Variants in LIMS2 observed in about 807,000 individuals in gnomAD.
The protein encoded by LIMS2 is LIM zinc finger domain containing 2.
A neutral mutation model predicts 45.3 loss-of-function variants in LIMS2; 30 were observed. The ratio of observed to expected loss-of-function variants is 0.66; its 90% confidence interval spans 0.50 to 0.90. The LOEUF (loss-of-function observed/expected upper bound fraction) is 0.90. Among genes scored for constraint, LIMS2 ranks in the 40% least tolerant of loss-of-function variants. The probability of loss-of-function intolerance (pLI) is 0.00; values close to 1 mark genes in which losing one functional copy is unlikely to be tolerated. For missense variants in LIMS2, 485 were observed against 468.7 expected (o/e 1.03, Z -0.32); for synonymous variants, 173 against 188.0 (o/e 0.92, Z 0.65).
At chr2:127,662,783 T>TA (rs1276146422) in intron 1 of LIMS2, among the ~76,000 whole-genome samples, 8 of 151,674 alleles carry the variant, frequency 5.3e-5, no homozygotes, top group Non-Finnish European at 1.0e-4. Context: ...CCCTAAAACT[T>TA]AAAGTCTAAT....
chr2:127,674,684 T>C, intron 1 of LIMS2: 1 of 985,374 alleles, frequency 1.0e-6, no homozygotes, highest in Non-Finnish European at 1.2e-6. Flanking sequence ...CCTTTGAACC[T>C]TTTGCCCGTG....
At position 127,675,450 on chromosome 2, in the gene LIMS2, CCCCAGCTCCAGGGACACGGAG is replaced by C. The variant is rs1685471937; in HGVS notation, c.-447_-427del. On this transcript the variant is annotated 5_prime_UTR_variant, in exon 1 of 10. Coordinates refer to ENST00000355119, the MANE Select transcript of LIMS2 (RefSeq NM_001161403.3). Reference sequence around the variant, plus strand: ...GAGGGTGGGCCCCGCTCCCGCACAGCCCCAGCTCCAGGGACACGGAGCGCGGCCAGCGGCGGGCGCGGGTCA... The same window carrying C: ...GAGGGTGGGCCCCGCTCCCGCACAGCCGCGGCCAGCGGCGGGCGCGGGTCA... Among the ~76,000 whole-genome samples the C allele has an allele frequency of 6.6e-6, 1 of 151,996 alleles. No homozygotes were observed. The highest frequency in any genetic ancestry group is 2.1e-4 in the South Asian group (1 of 4,832).
At chr2:127,649,923 T>C in intron 4 of LIMS2, 1 of 1,077,602 alleles carries the variant, frequency 9.3e-7, no homozygotes, top group East Asian at 2.6e-5. Context: ...CCCCTGGTGG[T>C]GGATCTACTC....
upstream of LIMS2, among the ~76,000 whole-genome samples, chr2:127,678,572 G>T (rs1041186248): frequency 6.6e-6 from 1 of 152,192 alleles, no homozygotes; most frequent in African/African-American, 2.4e-5. This position sits in a 1 kb window ranked among gnomAD's most constrained non-coding sequence, Gnocchi z 5.3. Flanking sequence ...CATTGAGAAG[G>T]CATCAAACAC....
At position 127,649,084 on chromosome 2, in the gene LIMS2, A is replaced by AAAAAAAG. The variant is rs1447586018; in HGVS notation, c.359+5333_359+5339dup. Among the ~76,000 whole-genome samples the AAAAAAAG allele has an allele frequency of 6.9e-3, 971 of 141,486 alleles. 9 individuals carry two copies. Among genetic ancestry groups the AAAAAAAG allele is most frequent in the Non-Finnish European group, 0.011 (667 of 62,778 alleles). The allele number at this position is 141,486 out of a possible 152,430, so 92.8% of individuals were successfully genotyped here. A position where few individuals can be genotyped will look rare whatever the true frequency, so the allele number is the denominator to read the frequency against. ...GGAAGGAAGGAAGGAAAAAGAAAAG[A>AAAAAAAG]AAAAAAGAAAAAAGAAAAGAAAAAA... is the stretch of plus-strand genomic sequence containing the variant. On this transcript the variant is annotated intron_variant, in intron 4 of 9. Coordinates refer to ENST00000355119, the MANE Select transcript of LIMS2 (RefSeq NM_001161403.3).
chr2:127,650,647 T>C (rs1254455529), intron 4 of LIMS2: 8 of 1,124,072 alleles, frequency 7.1e-6, no homozygotes, highest in African/African-American at 1.5e-5. Flanking sequence ...GCCTGACTTC[T>C]GGACTTCAGA....
chr2:127,651,160 T>C, intron 4 of LIMS2: 1 of 1,612,760 alleles, frequency 6.2e-7, no homozygotes, highest in Non-Finnish European at 8.5e-7. Flanking sequence ...TCCCTCAAGC[T>C]CCGCAGGCCC....
Position 127,642,977 on chromosome 2 carries a change from AG to A in LIMS2, c.454del (p.Leu152SerfsTer22). 1.3e-6 allele frequency: 2 copies of A among 1,573,120 alleles called. No homozygotes were observed. Among genetic ancestry groups the A allele is most frequent in the Non-Finnish European group, 1.7e-6 (2 of 1,159,280 alleles). On this transcript the variant is annotated frameshift_variant, in exon 5 of 10. Coordinates refer to ENST00000355119, the MANE Select transcript of LIMS2 (RefSeq NM_001161403.3). LOFTEE classifies it high-confidence loss of function. This position sits in a 1 kb window ranked among gnomAD's most constrained non-coding sequence, Gnocchi z 5.3. ...GTGGTAGGCGTCGCTCCTGAACATG[AG>A]GGGCTGCTCGTCGATGACCAGGTGG... ...RCHLVIDEQP[L>X]MFRSDAYHPD...
At chr2:127,643,268 G>A (rs554899620) in intron 4 of LIMS2, 196 bp from the exon 5 acceptor site, 8 of 611,556 alleles carry the variant, frequency 1.3e-5, no homozygotes, top group Middle Eastern at 4.4e-4. Flanking sequence ...GGAATGGGAC[G>A]CATGCTCAGC....
upstream of LIMS2, among the ~76,000 whole-genome samples, chr2:127,677,850 C>G (rs2105352959): frequency 6.6e-6 from 1 of 152,238 alleles, no homozygotes; most frequent in Admixed American, 6.5e-5. This position sits in a 1 kb window ranked among gnomAD's most constrained non-coding sequence, Gnocchi z 5.0. Context: ...CTGCCTCAGG[C>G]TGGTCTATTA....
chr2:127,657,049 A>G, intron 2 of LIMS2, among the ~76,000 whole-genome samples: 1 of 151,778 alleles, frequency 6.6e-6, no homozygotes, highest in East Asian at 1.9e-4. Flanking sequence ...GGGAACCCTG[A>G]CCCCCAGGGC....
rs1682501833 is a variant in LIMS2, at chr2:127,642,253, T to G, written c.510-54A>C. ...CCACCCCTGCCCTTCTGCAGGGTCA[T>G]GCCAGCAGCGCCTCCACCCCAGGGC... is the stretch of plus-strand genomic sequence containing the variant. On this transcript the variant is annotated intron_variant, in intron 5 of 9. Transcript: ENST00000355119. The surrounding 1 kb of genome is among the most constrained non-coding windows in gnomAD (Gnocchi z 5.3). 7.0e-7 allele frequency: 1 copy of G among 1,435,824 alleles called. No homozygotes were observed. The highest frequency in any genetic ancestry group is 1.4e-5 in the African/African-American group (1 of 69,686). The allele number at this position is 1,435,824 out of a possible 1,614,324, so 88.9% of individuals were successfully genotyped here. A position where few individuals can be genotyped will look rare whatever the true frequency, so the allele number is the denominator to read the frequency against.
Position 127,640,072 on chromosome 2 carries a change from C to T in LIMS2, c.876G>A (p.Leu292=), listed in dbSNP as rs765237427. The T allele has an allele frequency of 6.2e-7, 1 of 1,613,446 alleles. No homozygotes were observed. Among genetic ancestry groups the T allele is most frequent in the Non-Finnish European group, 8.5e-7 (1 of 1,179,976 alleles). ...SCSTCNSKLT[L]KNKFVEFDMK... ...ATCCCACGATCACAGGGACTCACTT[C>T]AGGGTGAGCTTGCTGTTGCAGGTGG... Residue 292 remains leucine (L), a splice_region_variant and synonymous_variant, in exon 9 of 10, where the codon CTG becomes CTA. Transcript: ENST00000355119.
intron 4 of LIMS2, chr2:127,650,987 G>C: frequency 6.2e-7 from 1 of 1,613,786 alleles, no homozygotes; most frequent in Non-Finnish European, 8.5e-7. Flanking sequence ...TGCTGGTCCT[G>C]CCCACCCGCC....
In LIMS2 at chr2:127,667,742, A is replaced by G. The variant is rs1685079396; in HGVS notation, c.11+7272T>C. Among the ~76,000 whole-genome samples, 1 of 152,252 alleles carries G rather than the reference A, an allele frequency of 6.6e-6. No homozygotes were observed. Among genetic ancestry groups the G allele is most frequent in the African/African-American group, 2.4e-5 (1 of 41,468 alleles). The stretch of plus-strand genomic sequence containing the variant: ...AAAACCCATAGCTAACATCATACTT[A>G]GTGATGAGAAAATGAATGCTTTCCT... On this transcript the variant is annotated intron_variant, in intron 1 of 9. Coordinates refer to ENST00000355119, the MANE Select transcript of LIMS2 (RefSeq NM_001161403.3). The surrounding 1 kb of genome is among the most constrained non-coding windows in gnomAD (Gnocchi z 4.1).
intron 4 of LIMS2, chr2:127,651,691 G>C: frequency 6.2e-7 from 1 of 1,613,234 alleles, no homozygotes; most frequent in South Asian, 1.1e-5. Flanking sequence ...AGGCTCAAGG[G>C]CCCGCCCCCC....
rs761150954 is a variant in LIMS2 at position 127,650,830 on chromosome 2, T to C, written c.359+3594A>G. Reference sequence around the variant, plus strand: ...GGCCAGGAGACGCCACTGGAGAACATGCTGTTCGCCTCCTTCTACCTTCTG... The same window carrying C: ...GGCCAGGAGACGCCACTGGAGAACACGCTGTTCGCCTCCTTCTACCTTCTG... On this transcript the variant is annotated intron_variant, in intron 4 of 9. Coordinates refer to ENST00000355119, the MANE Select transcript of LIMS2 (RefSeq NM_001161403.3). 3.7e-6 allele frequency: 6 copies of C among 1,613,960 alleles called. No homozygotes were observed. In the Admixed American group the frequency reaches 6.7e-5, roughly 18 times the overall value.
upstream of LIMS2, among the ~76,000 whole-genome samples, chr2:127,676,955 T>C (rs969348689): frequency 5.9e-5 from 9 of 152,222 alleles, no homozygotes; most frequent in African/African-American, 2.2e-4. Flanking sequence ...TCCTGCCTTT[T>C]AGCCCAAAAG....
rs781495883 is a variant in LIMS2, at chr2:127,640,130, T to C, written c.818A>G (p.Asn273Ser). 1.9e-6 allele frequency: 3 copies of C among 1,613,416 alleles called. No homozygotes were observed. The highest frequency in any genetic ancestry group is 2.5e-6 in the Non-Finnish European group (3 of 1,179,998). The stretch of plus-strand genomic sequence containing the variant: ...GAAGCAGCTCACACACCAGGCCTTG[T>C]TGAGGGCCGACACCACTGTGAGGGA... ...VIEGDVVSAL[N>S]KAWCVSCFSC... is the part of the protein sequence containing the mutation. The change falls in exon 9 of 10, where the codon AAC becomes AGC. Residue 273 changes from asparagine to serine, a missense_variant. Physicochemically the swap from Asn to Ser is conservative, Grantham distance 46. Coordinates refer to ENST00000355119, the MANE Select transcript of LIMS2 (RefSeq NM_001161403.3).
Sources: allele counts gnomAD v4.1 joint callset (sites outside exome capture counted in the v4.1 genomes callset), GRCh38; gene constraint gnomAD v4.1.1; non-coding constraint Gnocchi (gnomAD v3.1); transcripts MANE v1.5; gene names NCBI Gene and HGNC (gene_info 2026-07-23, HGNC 2026-07-21).